WDR36: variants seen among roughly 807,000 people sequenced by gnomAD.
WDR36 encodes WD repeat-containing protein 36.
In WDR36, 63 loss-of-function variants were observed where a neutral mutation model predicts 112.7. The observed-to-expected ratio is 0.56, with a 90% CI of 0.46 to 0.69. WDR36 has a LOEUF of 0.69. Ranked by LOEUF, WDR36 falls within the 30% of genes least tolerant of loss-of-function variation. The pLI is 0.00. For missense variants in WDR36, 1,226 were observed against 1,070.3 expected (o/e 1.15, Z -2.03); for synonymous variants, 410 against 362.2 (o/e 1.13, Z -1.50).
At chr5:111,123,653 G>C in intron 19 of WDR36, 152 bp from the exon 20 acceptor site, 1 of 1,064,528 alleles carries the variant, frequency 9.4e-7, no homozygotes, top group African/African-American at 1.6e-5. Context: ...TGTGGTATTG[G>C]TCAGAAGAGA....
At position 111,103,854 on chromosome 5, in the gene WDR36, T is replaced by G; in HGVS notation, c.666T>G (p.Phe222Leu). Residue 222 changes from phenylalanine to leucine, a missense_variant, in exon 7 of 23, where the codon TTT becomes TTG. Coordinates refer to ENST00000513710, the MANE Select transcript of WDR36 (RefSeq NM_139281.3). ...SGQVIIHNIKFNETLMKFRQD... is the reference protein window; with the variant it reads ...SGQVIIHNIKLNETLMKFRQD... ...AAGTTATCATTCACAACATTAAATT[T>G]AATGAAACATTAATGAAGTTTCGTC... 1.2e-6 allele frequency: 2 copies of G among 1,611,488 alleles called. No individual in the cohort carries two copies. Among genetic ancestry groups the G allele is most frequent in the Non-Finnish European group, 1.7e-6 (2 of 1,178,318 alleles).
chr5:111,105,800 A>G (rs552310368), intron 10 of WDR36, among the ~76,000 whole-genome samples: 111 of 151,692 alleles, frequency 7.3e-4, no homozygotes, highest in African/African-American at 2.6e-3. Context: ...ACTTGGTTTT[A>G]TGATTACTAA....
intron 4 of WDR36, among the ~76,000 whole-genome samples, chr5:111,099,883 T>C (rs142871169): frequency 6.6e-6 from 1 of 152,074 alleles, no homozygotes. Flanking sequence ...CCTTCTTTGA[T>C]ACACAAATTT....
In WDR36 at chr5:111,126,876, TG is replaced by T. The variant is rs763392233; in HGVS notation, c.2682del (p.Leu894PhefsTer15). On this transcript the variant is annotated frameshift_variant, in exon 23 of 23. Coordinates refer to ENST00000513710, the MANE Select transcript of WDR36 (RefSeq NM_139281.3). LOFTEE classifies it high-confidence loss of function. Reference sequence around the variant, plus strand: ...ATTTTAAATTATCTCAAAAGTGCTTTGTTGTAAAAATAAATTTGTGACTAAA... The same window carrying T: ...ATTTTAAATTATCTCAAAAGTGCTTTTTGTAAAAATAAATTTGTGACTAAA... The part of the protein sequence containing the change: ...MCILNYLKSA[L>X]L 4.4e-6 allele frequency: 7 copies of T among 1,599,626 alleles called. No individual in the cohort carries two copies. Among genetic ancestry groups the T allele is most frequent in the African/African-American group, 1.3e-5 (1 of 74,298 alleles).
At chr5:111,097,037 T>A (rs1188898911) in intron 2 of WDR36, 42 bp from the exon 3 acceptor site, 7 of 1,458,178 alleles carry the variant, frequency 4.8e-6, no homozygotes, top group Non-Finnish European at 6.7e-6. Context: ...CTCTTTAACA[T>A]CTTAAAAATC....
In WDR36 at chr5:111,121,126, C is replaced by T. The variant is rs1281324654; in HGVS notation, c.2133C>T (p.Asn711=). ...AATCACGATGGAAAAACCTTCTTAA[C>T]CTTGATGTTATTAAGGTAATAATTA... ...LPESRWKNLL[N]LDVIKKKNKP... Residue 711 remains asparagine, a synonymous_variant, in exon 19 of 23, where the codon AAC becomes AAT. Transcript: ENST00000513710. 1 of 1,613,412 alleles carries T rather than the reference C, an allele frequency of 6.2e-7. No individual in the cohort carries two copies. The highest frequency in any genetic ancestry group is 8.5e-7 in the Non-Finnish European group (1 of 1,179,568).
At chr5:111,095,236 GT>G (rs1284282679) in intron 2 of WDR36, 3 of 311,082 alleles carry the variant, frequency 9.6e-6, no homozygotes, top group Non-Finnish European at 1.8e-5. Context: ...ATGTCCTTCA[GT>G]TTGAGTTTTT....
chr5:111,095,077 C>T lies in WDR36; in HGVS notation c.190+130C>T. The T allele has an allele frequency of 7.3e-6, 6 of 825,666 alleles. No individual in the cohort carries two copies. The South Asian group carries it at 8.2e-5, about 11-fold the overall frequency. 51.1% of individuals were successfully genotyped at this position (825,666 alleles called of 1,614,324 possible). A position where few individuals can be genotyped will look rare whatever the true frequency, so the allele number is the denominator to read the frequency against. Reference sequence around the variant, plus strand: ...ATGTCTTATAAACTTACATTATCAGCAACAAAAAAGGGTGCCAGGATAAAT... The same window carrying T: ...ATGTCTTATAAACTTACATTATCAGTAACAAAAAAGGGTGCCAGGATAAAT... On this transcript the variant is annotated intron_variant, in intron 2 of 22. Coordinates refer to ENST00000513710, the MANE Select transcript of WDR36 (RefSeq NM_139281.3).
chr5:111,108,170 G>A (rs912094712), intron 12 of WDR36, among the ~76,000 whole-genome samples: 4 of 151,154 alleles, frequency 2.6e-5, no homozygotes, highest in African/African-American at 9.7e-5. Flanking sequence ...TTGTATATAA[G>A]TCTTACACTT....
In WDR36 at chr5:111,110,865, C is replaced by G. The variant is rs374435863; in HGVS notation, c.1519C>G (p.Leu507Val). The change falls in exon 14 of 23, where the codon CTC becomes GTC. Residue 507 changes from leucine to valine, a missense_variant. Coordinates refer to ENST00000513710, the MANE Select transcript of WDR36 (RefSeq NM_139281.3). ...LTVTTGSEGLLKFWNFKNKIL... is the reference protein window; with the variant it reads ...LTVTTGSEGLVKFWNFKNKIL... ...AGTTACAACTGGTAGTGAAGGATTA[C>G]TCAAATTCTGGAACTTTAAAAACAA... The G allele has an allele frequency of 4.5e-5, 73 of 1,611,564 alleles. No individual in the cohort carries two copies. The highest frequency in any genetic ancestry group is 5.9e-5 in the Non-Finnish European group (70 of 1,178,498).
chr5:111,113,053 T>TATATATATATATA (rs1554109024), intron 15 of WDR36, 21 bp from the exon 16 acceptor site: 2 of 206,620 alleles, frequency 9.7e-6, no homozygotes, highest in Non-Finnish European at 1.6e-5. Context: ...TATATATATA[T>TATATATATATATA]TTTTTTTTTT....
intron 1 of WDR36, among the ~76,000 whole-genome samples, chr5:111,094,557 A>G (rs1226439003): frequency 2.6e-5 from 4 of 152,218 alleles, no homozygotes; most frequent in Non-Finnish European, 4.4e-5. Context: ...TTCAGTATCT[A>G]TAGATAAAAG....
chr5:111,109,058 A>C (rs1753273441), intron 12 of WDR36, among the ~76,000 whole-genome samples: 1 of 151,332 alleles, frequency 6.6e-6, no homozygotes, highest in Admixed American at 6.6e-5. Context: ...TGGCTTAGAT[A>C]ATACATTAGA....
In WDR36 at chr5:111,126,823, GCAAT is replaced by G. The variant is rs1406659081; in HGVS notation, c.2631_2634del (p.Gln877HisfsTer10). The G allele has an allele frequency of 6.2e-7, 1 of 1,613,496 alleles. No individual in the cohort carries two copies. Among genetic ancestry groups the G allele is most frequent in the Non-Finnish European group, 8.5e-7 (1 of 1,179,822 alleles). ...AGGTGGAAGAAAACTGGACCCATTT[GCAAT>G]CACTCTTCAATCAAAGCATGTGTAT... On this transcript the variant is annotated frameshift_variant, in exon 23 of 23. Coordinates refer to ENST00000513710, the MANE Select transcript of WDR36 (RefSeq NM_139281.3). LOFTEE classifies it high-confidence loss of function.
rs1258511305 is a variant in WDR36, at chr5:111,103,873, T to C, written c.685T>C (p.Phe229Leu). 2 of 1,611,268 alleles carry C rather than the reference T, an allele frequency of 1.2e-6. No homozygotes were observed. The highest frequency in any genetic ancestry group is 4.5e-5 in the East Asian group (2 of 44,810). The stretch of plus-strand genomic sequence containing the variant: ...TAAATTTAATGAAACATTAATGAAG[T>C]TTCGTCAAGACTGGGGACCCATTAC... ...NIKFNETLMK[F>L]RQDWGPITSI... The change falls in exon 7 of 23, where the codon TTT becomes CTT. Residue 229 changes from phenylalanine to leucine, a missense_variant. By Grantham distance (22) the Phe-to-Leu change is conservative. Coordinates refer to ENST00000513710, the MANE Select transcript of WDR36 (RefSeq NM_139281.3).
intron 12 of WDR36, among the ~76,000 whole-genome samples, chr5:111,107,808 T>A (rs1448566240): frequency 2.0e-5 from 3 of 151,386 alleles, no homozygotes; most frequent in Non-Finnish European, 4.4e-5. Context: ...TGTAAGAGTT[T>A]ATTTCTGGAC....
At chr5:111,121,255 A>G in intron 19 of WDR36, 114 bp downstream of exon 19, 3 of 1,074,440 alleles carry the variant, frequency 2.8e-6, no homozygotes, top group Admixed American at 1.9e-5. Flanking sequence ...ATTAATATGT[A>G]AGACAGCACT....
In WDR36 at chr5:111,104,188, G is replaced by A; in HGVS notation, c.742G>A (p.Val248Ile). 1 of 1,611,156 alleles carries A rather than the reference G, an allele frequency of 6.2e-7. No homozygotes were observed. Among genetic ancestry groups the A allele is most frequent in the Non-Finnish European group, 8.5e-7 (1 of 1,178,118 alleles). The change falls in exon 8 of 23, where the codon GTA becomes ATA. Residue 248 changes from valine to isoleucine, a missense_variant. By Grantham distance (29) the Val-to-Ile change is conservative. Coordinates refer to ENST00000513710, the MANE Select transcript of WDR36 (RefSeq NM_139281.3). Reference protein sequence around the residue: ...SISFRTDGHPVMAAGSPCGHI... With the variant: ...SISFRTDGHPIMAAGSPCGHI... The stretch of plus-strand genomic sequence containing the variant: ...TATTTTAATAACAGATGGTCATCCA[G>A]TAATGGCAGCTGGAAGCCCATGTGG...
intron 4 of WDR36, 115 bp downstream of exon 4, chr5:111,098,954 A>G: frequency 2.6e-6 from 2 of 756,986 alleles, no homozygotes; most frequent in Non-Finnish European, 4.5e-6. Flanking sequence ...TAAGAAATTA[A>G]AAAAATCAAA....
Sources: gnomAD v4.1 joint callset for allele counts (sites outside exome capture counted in the v4.1 genomes callset) on GRCh38, gnomAD v4.1.1 for gene constraint, MANE v1.5 for transcripts, NCBI Gene and HGNC (gene_info 2026-07-23, HGNC 2026-07-21) for gene names.